MAP2: variants seen among roughly 807,000 people sequenced by gnomAD.
MAP2 encodes microtubule-associated protein 2.
A neutral mutation model predicts 137.6 loss-of-function variants in MAP2; 14 were observed. The observed-to-expected ratio is 0.10, with a 90% CI of 0.07 to 0.16. MAP2 has a LOEUF of 0.16. MAP2 is among the 10% of genes least tolerant of loss of function. The pLI is 1.00. For synonymous variants in MAP2, 786 were observed against 782.3 expected, an observed-to-expected ratio of 1.00 and a Z score of -0.08; for missense variants, 2,088 against 2,191.5, an observed-to-expected ratio of 0.95 and a Z score of 0.94.
intron 10 of MAP2, among the ~76,000 whole-genome samples, chr2:209,699,163 T>C (rs189184086): frequency 1.3e-5 from 2 of 152,266 alleles, no homozygotes; most frequent in Admixed American, 6.5e-5. Context: ...ATTACAGAGA[T>C]AGTAGTAAGG....
chr2:209,654,019 C>T lies in MAP2; in HGVS notation c.262+587C>T, dbSNP rs114117640. On this transcript the variant is annotated intron_variant, in intron 5 of 15. Coordinates refer to ENST00000682079, the MANE Select transcript of MAP2 (RefSeq NM_001375505.1). The stretch of plus-strand genomic sequence containing the variant: ...ATGTTTATTTGGATACAAAGCATAA[C>T]ATGTAAGTGCCACATGAGCAGTATA... 7.8e-3 allele frequency among the ~76,000 whole-genome samples: 1,184 copies of T among 152,196 alleles called. 15 individuals carry two copies. Among genetic ancestry groups the T allele is most frequent in the African/African-American group, 0.026 (1,099 of 41,520 alleles).
At chr2:209,680,270 T>C (rs2053975853) in intron 6 of MAP2, among the ~76,000 whole-genome samples, 1 of 152,156 alleles carries the variant, frequency 6.6e-6, no homozygotes, top group African/African-American at 2.4e-5. Context: ...TTAAAAAATA[T>C]ATTCCCTAAA....
rs182792923 is a variant in MAP2 at position 209,501,601 on chromosome 2, A to T, written c.-221-5991A>T. Among the ~76,000 whole-genome samples, 4 of 152,330 alleles carry T rather than the reference A, an allele frequency of 2.6e-5. No homozygotes were observed. The East Asian group carries it at 7.7e-4, about 29-fold the overall frequency. ...GATACATTAAGCTGCCTGGAAGCAG[A>T]TGCTAAATCCTATTGAAAATAATTT... is the stretch of plus-strand genomic sequence containing the variant. On this transcript the variant is annotated intron_variant, in intron 1 of 15. Coordinates refer to ENST00000682079, the MANE Select transcript of MAP2 (RefSeq NM_001375505.1).
intron 3 of MAP2, among the ~76,000 whole-genome samples, chr2:209,609,918 C>T (rs1393827075): frequency 6.6e-6 from 1 of 152,106 alleles, no homozygotes; most frequent in African/African-American, 2.4e-5. Context: ...CTTTTCTACT[C>T]ATTCTTTCAT....
At chr2:209,500,898 A>G (rs947497091) in intron 1 of MAP2, among the ~76,000 whole-genome samples, 2 of 151,900 alleles carry the variant, frequency 1.3e-5, no homozygotes, top group Non-Finnish European at 2.9e-5. Flanking sequence ...TTAGTTGGGC[A>G]TGGTGGTGCA....
At chr2:209,633,680 T>G (rs1166266500) in intron 4 of MAP2, among the ~76,000 whole-genome samples, 3 of 151,970 alleles carry the variant, frequency 2.0e-5, no homozygotes, top group Non-Finnish European at 4.4e-5. Flanking sequence ...AAAGACTAGG[T>G]TTGTAGTCAG....
chr2:209,521,286 A>G (rs370678268), intron 2 of MAP2, among the ~76,000 whole-genome samples: 2 of 152,058 alleles, frequency 1.3e-5, no homozygotes, highest in African/African-American at 4.8e-5. Context: ...ACACACTAAT[A>G]TGATGCACCA....
At chr2:209,544,970 T>C (rs1327202827) in intron 2 of MAP2, among the ~76,000 whole-genome samples, 1 of 152,214 alleles carries the variant, frequency 6.6e-6, no homozygotes, top group Non-Finnish European at 1.5e-5. Flanking sequence ...CATTAAACTA[T>C]ATACCAGAAC....
chr2:209,674,209 C>A (rs919644771), intron 5 of MAP2, among the ~76,000 whole-genome samples: 1 of 151,796 alleles, frequency 6.6e-6, no homozygotes, highest in Admixed American at 6.6e-5. Context: ...CCTAGTTGGG[C>A]TGACCTTTAG....
intron 5 of MAP2, among the ~76,000 whole-genome samples, chr2:209,676,351 A>ACATCAAGG (rs1356021579): frequency 6.6e-6 from 1 of 151,870 alleles, no homozygotes; most frequent in African/African-American, 2.4e-5. Context: ...GGACACATCA[A>ACATCAAGG]CATCAAGGGG....
chr2:209,690,947 G>A (rs148207571), intron 7 of MAP2: 11 of 1,105,406 alleles, frequency 1.0e-5, no homozygotes, highest in African/African-American at 4.9e-5. Flanking sequence ...CTATTTCATC[G>A]CTGGGTCTTA....
chr2:209,607,425 A>T (rs933410120), intron 3 of MAP2, among the ~76,000 whole-genome samples: 2 of 152,114 alleles, frequency 1.3e-5, no homozygotes, highest in African/African-American at 4.8e-5. Context: ...TTAATGTTTC[A>T]TTTGTTTGTT....
intron 11 of MAP2, chr2:209,704,047 A>G (rs1170666968): frequency 2.2e-6 from 1 of 454,728 alleles, no homozygotes; most frequent in Non-Finnish European, 4.4e-6. Flanking sequence ...TTGAGCTTAT[A>G]TTGATTCCAT....
At chr2:209,710,503 C>CTTT in intron 13 of MAP2, 1 of 374,374 alleles carries the variant, frequency 2.7e-6, no homozygotes, top group Non-Finnish European at 4.8e-6. Flanking sequence ...GATTGACTAA[C>CTTT]TTTTTTTTTT....
Position 209,732,287 on chromosome 2 carries a change from C to G in MAP2, c.*1890C>G, listed in dbSNP as rs906544168. 6.6e-6 allele frequency: 1 copy of G among 152,164 alleles called. No homozygotes were observed. Among genetic ancestry groups the G allele is most frequent in the African/African-American group, 2.4e-5 (1 of 41,430 alleles). The allele number at this position is 152,164 out of a possible 1,614,324, so 9.4% of individuals were successfully genotyped here. A position where few individuals can be genotyped will look rare whatever the true frequency, so the allele number is the denominator to read the frequency against. On this transcript the variant is annotated 3_prime_UTR_variant, in exon 16 of 16. Transcript: ENST00000682079. ...CAGAGACACAGGTGCTTTTTGGTGA[C>G]CCAGTGGATATGGCAACCAGTGTAA...
intron 5 of MAP2, among the ~76,000 whole-genome samples, chr2:209,654,112 T>A (rs2094979786): frequency 6.6e-6 from 1 of 152,204 alleles, no homozygotes; most frequent in Non-Finnish European, 1.5e-5. Context: ...CACAAAATCA[T>A]CTTATCATCT....
chr2:209,675,087 AT>A (rs1427934493), intron 5 of MAP2, among the ~76,000 whole-genome samples: 1 of 151,856 alleles, frequency 6.6e-6, no homozygotes. Context: ...GACATGCCCT[AT>A]TTGAAAAAGT....
At chr2:209,646,775 T>G (rs1372952692) in intron 4 of MAP2, among the ~76,000 whole-genome samples, 1 of 152,134 alleles carries the variant, frequency 6.6e-6, no homozygotes, top group East Asian at 1.9e-4. Flanking sequence ...TGTTCTTTCT[T>G]CATTCTTTTG....
At position 209,695,234 on chromosome 2, in the gene MAP2, G is replaced by A. The variant is rs187200977; in HGVS notation, c.3064G>A (p.Val1022Met). The change falls in exon 8 of 16, where the codon GTG (valine) becomes ATG (methionine). Residue 1022 changes from valine to methionine, a missense_variant. By Grantham distance (21) the Val-to-Met change is conservative. Coordinates refer to ENST00000682079, the MANE Select transcript of MAP2 (RefSeq NM_001375505.1). Reference protein sequence around the residue: ...SEKAEKGLSSVPEIAEVEPSK... With the variant: ...SEKAEKGLSSMPEIAEVEPSK... ...GAAAGCAGAGAAGGGTCTTAGTTCA[G>A]TGCCAGAGATAGCTGAGGTAGAACC... The A allele has an allele frequency of 6.2e-7, 1 of 1,614,078 alleles. No homozygotes were observed. Among genetic ancestry groups the A allele is most frequent in the Non-Finnish European group, 8.5e-7 (1 of 1,180,012 alleles).
Sources: gnomAD v4.1 joint callset for allele counts (sites outside exome capture counted in the v4.1 genomes callset) on GRCh38, gnomAD v4.1.1 for gene constraint, MANE v1.5 for transcripts, NCBI Gene and HGNC (gene_info 2026-07-23, HGNC 2026-07-21) for gene names.